The following ROBO1 variants were observed in gnomAD, a reference collection of about 807,000 sequenced individuals.
The protein encoded by ROBO1 is roundabout homolog 1.
Under a neutral mutation model 195.9 loss-of-function variants are expected in ROBO1, and 149 were observed. That is an observed-to-expected ratio of 0.76 (90% CI 0.67 to 0.87). ROBO1 has a LOEUF of 0.87. Ranked by LOEUF, ROBO1 falls within the 40% of genes least tolerant of loss-of-function variation. ROBO1 has a pLI of 0.00. For missense variants in ROBO1, 1,933 were observed against 2,068.3 expected (o/e 0.93, Z 1.27); for synonymous variants, 816 against 733.2 (o/e 1.11, Z -1.82).
At chr3:79,524,607 A>T (rs1941351069) in intron 2 of ROBO1, among the ~76,000 whole-genome samples, 1 of 152,152 alleles carries the variant, frequency 6.6e-6, no homozygotes, top group Admixed American at 6.5e-5. Context: ...GCATTTGTCT[A>T]AACAACTCCA....
chr3:79,195,266 A>C, intron 2 of ROBO1, among the ~76,000 whole-genome samples: 1 of 151,772 alleles, frequency 6.6e-6, no homozygotes, highest in East Asian at 1.9e-4. Flanking sequence ...AAAACTGTAA[A>C]TAGAATGCTG....
chr3:79,031,370 C>A (rs1283695645), intron 3 of ROBO1, among the ~76,000 whole-genome samples: 1 of 152,230 alleles, frequency 6.6e-6, no homozygotes, highest in South Asian at 2.1e-4. Context: ...TGTATTATTC[C>A]TCTTCCAGTG....
chr3:78,659,797 G>T lies in ROBO1; in HGVS notation c.2331C>A (p.Ala777=). The T allele has an allele frequency of 1.2e-6, 2 of 1,603,374 alleles. No homozygotes were observed. The highest frequency in any genetic ancestry group is 2.2e-5 in the East Asian group (1 of 44,650). The change falls in exon 17 of 31, where the codon GCC becomes GCA. Residue 777 remains alanine (A), a synonymous_variant. Transcript: ENST00000464233. ...FAKTLEEAPS[A]PPQGVTVSKN... ...TGGATACAGTTACACCTTGGGGTGG[G>T]GCACTGGGTGCTATTAAATTGTTTT...
chr3:79,006,259 G>A (rs1208611882), intron 3 of ROBO1, among the ~76,000 whole-genome samples: 3 of 119,960 alleles, frequency 2.5e-5, no homozygotes, highest in Non-Finnish European at 5.9e-5. Flanking sequence ...AATGTAAATA[G>A]CTACCAATAA....
At chr3:79,003,841 A>T (rs1272710788) in intron 3 of ROBO1, among the ~76,000 whole-genome samples, 2 of 152,148 alleles carry the variant, frequency 1.3e-5, no homozygotes, top group African/African-American at 2.4e-5. Context: ...TAGGTTAAAA[A>T]CTACAGCACT....
chr3:79,753,142 C>G (rs1704210439), intron 1 of ROBO1, among the ~76,000 whole-genome samples: 1 of 152,010 alleles, frequency 6.6e-6, no homozygotes, highest in African/African-American at 2.4e-5. Flanking sequence ...CACTTGAGTA[C>G]CATCAAAATA....
At chr3:79,512,194 A>G (rs1253740335) in intron 2 of ROBO1, among the ~76,000 whole-genome samples, 1 of 151,722 alleles carries the variant, frequency 6.6e-6, no homozygotes, top group East Asian at 1.9e-4. Context: ...ATCACATAGA[A>G]TTATTAAAAA....
intron 2 of ROBO1, among the ~76,000 whole-genome samples, chr3:79,175,220 T>C (rs1047432086): frequency 1.3e-5 from 2 of 152,218 alleles, no homozygotes; most frequent in African/African-American, 2.4e-5. Context: ...AAAATTAGTA[T>C]AGCATTTATT....
intron 3 of ROBO1, among the ~76,000 whole-genome samples, chr3:79,080,581 A>G (rs1356920819): frequency 1.3e-5 from 2 of 152,094 alleles, no homozygotes; most frequent in African/African-American, 4.8e-5. Context: ...ATGCATAAAA[A>G]TGGACAAGAT....
chr3:79,115,245 T>C (rs1194111888), intron 3 of ROBO1, among the ~76,000 whole-genome samples: 4 of 152,120 alleles, frequency 2.6e-5, no homozygotes, highest in African/African-American at 9.7e-5. Context: ...AACACAAAAA[T>C]GTGCTTTGAT....
intron 4 of ROBO1, among the ~76,000 whole-genome samples, chr3:78,779,523 C>T (rs1455599539): frequency 6.6e-6 from 1 of 152,094 alleles, no homozygotes; most frequent in Admixed American, 6.6e-5. Context: ...CCATCACTGG[C>T]CATTAGAGAA....
intron 1 of ROBO1, among the ~76,000 whole-genome samples, chr3:79,641,674 C>T (rs146892398): frequency 2.2e-4 from 23 of 102,612 alleles, no homozygotes; most frequent in African/African-American, 8.8e-4. Context: ...CCCAGTGATC[C>T]AATATAACAC....
chr3:79,401,354 G>A (rs1173630071), intron 2 of ROBO1, among the ~76,000 whole-genome samples: 1 of 151,844 alleles, frequency 6.6e-6, no homozygotes. Context: ...AAATATGTAA[G>A]AATTGGTATT....
chr3:78,781,656 C>G (rs1369305089), intron 4 of ROBO1, among the ~76,000 whole-genome samples: 7 of 151,988 alleles, frequency 4.6e-5, no homozygotes. Context: ...CCTGGTGATT[C>G]CAATATACAG....
At chr3:79,464,466 A>T (rs1402230932) in intron 2 of ROBO1, among the ~76,000 whole-genome samples, 1 of 152,114 alleles carries the variant, frequency 6.6e-6, no homozygotes, top group Non-Finnish European at 1.5e-5. Flanking sequence ...ATCCTAGTGG[A>T]TGTGAAGAGA....
intron 2 of ROBO1, among the ~76,000 whole-genome samples, chr3:79,519,798 A>G (rs1365312212): frequency 6.6e-6 from 1 of 151,986 alleles, no homozygotes; most frequent in Non-Finnish European, 1.5e-5. Context: ...CTTTCTTACA[A>G]TCCTCCTCTA....
intron 4 of ROBO1, among the ~76,000 whole-genome samples, chr3:78,822,564 A>G (rs1293451233): frequency 1.3e-5 from 2 of 152,212 alleles, no homozygotes; most frequent in African/African-American, 4.8e-5. Flanking sequence ...AAACTGAAAA[A>G]AGCAGATTAT....
chr3:78,654,424 T>C (rs765002687), intron 18 of ROBO1, among the ~76,000 whole-genome samples: 20 of 152,232 alleles, frequency 1.3e-4, no homozygotes, highest in Non-Finnish European at 2.1e-4. Context: ...GACTCTTTTA[T>C]TACCTCTGGT....
At chr3:78,674,601 T>C (rs1401288835) in intron 10 of ROBO1, among the ~76,000 whole-genome samples, 2 of 152,316 alleles carry the variant, frequency 1.3e-5, no homozygotes, top group East Asian at 3.9e-4. Flanking sequence ...ACAGGACATT[T>C]AGTGTTGAAC....
Sources: gnomAD v4.1 joint callset for allele counts (sites outside exome capture counted in the v4.1 genomes callset) on GRCh38, gnomAD v4.1.1 for gene constraint, MANE v1.5 for transcripts, NCBI Gene and HGNC (gene_info 2026-07-23, HGNC 2026-07-21) for gene names.